Variants in LITAF observed in about 807,000 individuals in gnomAD.
LITAF encodes the protein lipopolysaccharide induced TNF factor.
Under a neutral mutation model 14.5 loss-of-function variants are expected in LITAF, and 9 were observed. The observed-to-expected ratio is 0.62, with a 90% CI of 0.37 to 1.08. LITAF has a LOEUF of 1.08. LITAF is among the 50% of genes least tolerant of loss of function. LITAF has a pLI of 0.01. For synonymous variants in LITAF, 98 were observed against 88.2 expected, an observed-to-expected ratio of 1.11 and a Z score of -0.62; for missense variants, 206 against 213.4, an observed-to-expected ratio of 0.97 and a Z score of 0.22.
In LITAF at chr16:11,563,411, G is replaced by C. The variant is rs373579229; in HGVS notation, c.-5-6676C>G. ...ATGATCAGCCCGCCTTGGCCTCCCAGAGTGCTGGGATTACAGGCGTGAGTC... is the reference window on the plus strand; with the variant it reads ...ATGATCAGCCCGCCTTGGCCTCCCACAGTGCTGGGATTACAGGCGTGAGTC... On this transcript the variant is annotated intron_variant, in intron 1 of 3. Coordinates refer to ENST00000622633, the MANE Select transcript of LITAF (RefSeq NM_001136472.2). 3.3e-5 allele frequency among the ~76,000 whole-genome samples: 5 copies of C among 152,186 alleles called. No homozygotes were observed. The South Asian group carries it at 1.0e-3, about 32-fold the overall frequency.
At chr16:11,570,190 C>G (rs1159558315) in intron 1 of LITAF, among the ~76,000 whole-genome samples, 1 of 152,170 alleles carries the variant, frequency 6.6e-6, no homozygotes, top group African/African-American at 2.4e-5. Context: ...GTTTCCTCAT[C>G]TGGAAAATGG....
At chr16:11,583,157 G>A (rs1010094300) in intron 1 of LITAF, among the ~76,000 whole-genome samples, 2 of 152,210 alleles carry the variant, frequency 1.3e-5, no homozygotes. Flanking sequence ...AGCTCAGAGT[G>A]AAATATTTCA....
rs1238887537 is a variant in LITAF at position 11,556,561 on chromosome 16, T to G, written c.170A>C (p.Asn57Thr). 1 of 1,614,038 alleles carries G rather than the reference T, an allele frequency of 6.2e-7. No individual in the cohort carries two copies. Among genetic ancestry groups the G allele is most frequent in the African/African-American group, 1.3e-5 (1 of 74,912 alleles). Residue 57 changes from asparagine to threonine, a missense_variant, in exon 2 of 4, where the codon AAT becomes ACT. Asn to Thr is a moderately conservative substitution (Grantham distance 65). Coordinates refer to ENST00000622633, the MANE Select transcript of LITAF (RefSeq NM_001136472.2). ...LVTGPDGKGM[N>T]PPSYYTQPAP... is the part of the protein sequence containing the mutation. ...TGGCTGGGTATAATACGAAGGAGGA[T>G]TCATGCCCTTCCCATCAGGCCCCGT... is the stretch of plus-strand genomic sequence containing the variant.
At chr16:11,635,155 CT>C (rs2065133439) in intron 2 of LITAF, among the ~76,000 whole-genome samples, 1 of 152,204 alleles carries the variant, frequency 6.6e-6, no homozygotes, top group Non-Finnish European at 1.5e-5. Context: ...GCAAATTCCC[CT>C]GTCATGATAA....
upstream of LITAF, among the ~76,000 whole-genome samples, chr16:11,601,559 G>A (rs148608634): frequency 7.8e-3 from 1,194 of 152,226 alleles, 18 homozygotes; most frequent in African/African-American, 0.027. Context: ...CACAGTAGGA[G>A]CCGCTTTTGT....
At chr16:11,622,467 T>C (rs1044367619) in intron 3 of LITAF, among the ~76,000 whole-genome samples, 2 of 152,206 alleles carry the variant, frequency 1.3e-5, no homozygotes, top group Non-Finnish European at 2.9e-5. Context: ...GGAGAGCCAC[T>C]TGCAGACCGC....
intron 3 of LITAF, among the ~76,000 whole-genome samples, chr16:11,607,428 G>A (rs879814576): frequency 6.6e-5 from 10 of 152,112 alleles, no homozygotes; most frequent in Non-Finnish European, 1.5e-4. Flanking sequence ...TCAATTTTGG[G>A]TCAGTGAGAA....
At chr16:11,584,540 G>C (rs1304789606) in intron 1 of LITAF, among the ~76,000 whole-genome samples, 1 of 152,140 alleles carries the variant, frequency 6.6e-6, no homozygotes, top group Non-Finnish European at 1.5e-5. Context: ...GGGCTTGTCT[G>C]TACCTCTTCC....
intron 3 of LITAF, among the ~76,000 whole-genome samples, chr16:11,622,278 G>A (rs2141895280): frequency 6.6e-6 from 1 of 152,260 alleles, no homozygotes; most frequent in East Asian, 1.9e-4. Flanking sequence ...AAGAGACCCA[G>A]AGTAAACAGC....
At chr16:11,619,004 A>G (rs1443183006) in intron 3 of LITAF, among the ~76,000 whole-genome samples, 1 of 148,530 alleles carries the variant, frequency 6.7e-6, no homozygotes, top group Non-Finnish European at 1.5e-5. Context: ...AAAACAAACA[A>G]ACAAACAAAA....
At chr16:11,611,659 T>C (rs28579666) in intron 3 of LITAF, among the ~76,000 whole-genome samples, 3 of 149,284 alleles carry the variant, frequency 2.0e-5, no homozygotes, top group East Asian at 1.9e-4. Flanking sequence ...CTTTTCTTTT[T>C]CTTTTTCTTT....
At position 11,553,387 on chromosome 16, in the gene LITAF, G is replaced by A; in HGVS notation, c.377+146C>T. ...GATCGCCCCACTGTACTCCAGCCTG[G>A]GCGACAGAACCAGATTCCATCTCAA... On this transcript the variant is annotated intron_variant, in intron 3 of 3. Transcript: ENST00000622633. The surrounding 1 kb of genome is among the most constrained non-coding windows in gnomAD (Gnocchi z 7.7). 3.4e-6 allele frequency: 3 copies of A among 884,340 alleles called. No individual in the cohort carries two copies. The highest frequency in any genetic ancestry group is 1.5e-5 in the South Asian group (1 of 66,894). The allele number at this position is 884,340 out of a possible 1,614,324, so 54.8% of individuals were successfully genotyped here.
chr16:11,615,796 C>G (rs1421271584), intron 3 of LITAF, among the ~76,000 whole-genome samples: 2 of 152,300 alleles, frequency 1.3e-5, no homozygotes, highest in East Asian at 3.9e-4. Context: ...TGCCAAAGCC[C>G]TTGGACCCTC....
intron 1 of LITAF, among the ~76,000 whole-genome samples, chr16:11,568,970 G>T (rs1332047136): frequency 1.3e-5 from 2 of 151,946 alleles, no homozygotes; most frequent in African/African-American, 4.8e-5. Flanking sequence ...ATGAGCCACT[G>T]TGTTCAGCCT....
intron 1 of LITAF, among the ~76,000 whole-genome samples, chr16:11,568,452 C>T (rs576723559): frequency 6.6e-6 from 1 of 152,200 alleles, no homozygotes; most frequent in South Asian, 2.1e-4. Context: ...CCTAAAGCCA[C>T]TTGTTCAATG....
At chr16:11,626,568 G>A (rs1205433603) in intron 3 of LITAF, among the ~76,000 whole-genome samples, 1 of 152,046 alleles carries the variant, frequency 6.6e-6, no homozygotes, top group East Asian at 1.9e-4. Context: ...TCCAACTCCT[G>A]ACCTCATGAT....
rs181452166 is a variant in LITAF at position 11,622,145 on chromosome 16, G to A, written c.85+11388C>T. The stretch of plus-strand genomic sequence containing the variant: ...GTTAGAGAGTGTGTTTGGGGGACCC[G>A]CCCTGGCAGCCTGGTGGGGACAGCT... On this transcript the variant is annotated intron_variant, in intron 3 of 3. Coordinates refer to the LITAF transcript ENST00000574848. Among the ~76,000 whole-genome samples the A allele has an allele frequency of 3.3e-5, 5 of 152,302 alleles. No individual in the cohort carries two copies. The South Asian group carries it at 6.2e-4, about 19-fold the overall frequency.
chr16:11,565,905 C>T (rs542409095), intron 1 of LITAF, among the ~76,000 whole-genome samples: 1 of 151,978 alleles, frequency 6.6e-6, no homozygotes, highest in Non-Finnish European at 1.5e-5. Flanking sequence ...CTATATGGTG[C>T]AGAGGTCAAG....
upstream of LITAF, among the ~76,000 whole-genome samples, chr16:11,639,459 GTGGGTGGA>G (rs570272818): frequency 6.6e-3 from 988 of 149,604 alleles, 12 homozygotes; most frequent in African/African-American, 0.023. Flanking sequence ...GCATGGATGG[GTGGGTGGA>G]TGGATGGATG....
Sources: gnomAD v4.1 joint callset for allele counts (sites outside exome capture counted in the v4.1 genomes callset) on GRCh38, gnomAD v4.1.1 for gene constraint, Gnocchi (gnomAD v3.1) non-coding constraint, MANE v1.5 for transcripts, NCBI Gene and HGNC (gene_info 2026-07-23, HGNC 2026-07-21) for gene names.